Variants in LIPN observed in about 807,000 individuals in gnomAD.
LIPN encodes the protein lipase family member N, also known as lipase member N.
In LIPN, 32 loss-of-function variants were observed where a neutral mutation model predicts 43.7. That is an observed-to-expected ratio of 0.73 (90% CI 0.55 to 0.98). LIPN has a LOEUF of 0.98. Among genes scored for constraint, LIPN ranks in the 50% least tolerant of loss-of-function variants. The probability of loss-of-function intolerance (pLI) is 0.00; values close to 1 mark genes in which losing one functional copy is unlikely to be tolerated. For synonymous variants in LIPN, 156 were observed against 157.6 expected, an observed-to-expected ratio of 0.99 and a Z score of 0.08; for missense variants, 505 against 483.8, an observed-to-expected ratio of 1.04 and a Z score of -0.41.
Position 88,766,349 on chromosome 10 carries a change from T to G in LIPN, c.506T>G (p.Phe169Cys). ...AAAACTGGTCAGGAGAAATTGTATTTCATTGGACATTCACTTGGCACTACA... is the reference window on the plus strand; with the variant it reads ...AAAACTGGTCAGGAGAAATTGTATTGCATTGGACATTCACTTGGCACTACA... ...VNKTGQEKLY[F>C]IGHSLGTTIG... is the part of the protein sequence containing the mutation. The change falls in exon 5 of 10, where the codon TTC (phenylalanine) becomes TGC (cysteine). Residue 169 changes from phenylalanine to cysteine, a missense_variant. Coordinates refer to ENST00000404459, the MANE Select transcript of LIPN (RefSeq NM_001102469.2). The G allele has an allele frequency of 6.2e-7, 1 of 1,605,746 alleles. No homozygotes were observed. The highest frequency in any genetic ancestry group is 1.1e-5 in the South Asian group (1 of 90,886).
At chr10:88,777,008 A>G (rs957474303) in intron 9 of LIPN, among the ~76,000 whole-genome samples, 1 of 152,084 alleles carries the variant, frequency 6.6e-6, no homozygotes, top group Non-Finnish European at 1.5e-5. Context: ...TCTTATCAAC[A>G]TATTTTTAGT....
intron 5 of LIPN, among the ~76,000 whole-genome samples, chr10:88,768,127 C>G (rs938918702): frequency 2.0e-4 from 31 of 151,480 alleles, no homozygotes; most frequent in Non-Finnish European, 3.0e-5. Flanking sequence ...CCCTAGCCTA[C>G]CCAGTGTTGT....
chr10:88,767,251 A>G (rs2134839862), intron 5 of LIPN, among the ~76,000 whole-genome samples: 1 of 152,026 alleles, frequency 6.6e-6, no homozygotes, highest in East Asian at 1.9e-4. Context: ...AGTATTTTAG[A>G]TTGACAGGCA....
intron 3 of LIPN, among the ~76,000 whole-genome samples, chr10:88,762,608 A>G (rs751651300): frequency 1.4e-4 from 21 of 151,998 alleles, no homozygotes; most frequent in Admixed American, 7.2e-4. Flanking sequence ...CATGTGGAAA[A>G]TTGCTTTGTC....
rs776472326 is a variant in LIPN at position 88,764,442 on chromosome 10, C to A, written c.259C>A (p.Leu87Met). 38 of 1,612,152 alleles carry A rather than the reference C, an allele frequency of 2.4e-5. No individual in the cohort carries two copies. Among genetic ancestry groups the A allele is most frequent in the Non-Finnish European group, 3.2e-5 (38 of 1,178,956 alleles). The change falls in exon 4 of 10, where the codon CTG becomes ATG. Residue 87 changes from leucine to methionine, a missense_variant. By Grantham distance (15) the Leu-to-Met change is conservative. Transcript: ENST00000404459. ...PRPVVYMQHA[L>M]FADNAYWLEN... The stretch of plus-strand genomic sequence containing the variant: ...GCCAGTTGTGTATATGCAGCATGCC[C>A]TGTTTGCAGACAATGCCTACTGGCT...
Position 88,764,511 on chromosome 10 carries a change from G to A in LIPN, c.328G>A (p.Ala110Thr), listed in dbSNP as rs1590174544. 4 of 1,612,300 alleles carry A rather than the reference G, an allele frequency of 2.5e-6. No individual in the cohort carries two copies. The highest frequency in any genetic ancestry group is 1.7e-4 in the Middle Eastern group (1 of 6,052). The change falls in exon 4 of 10, where the codon GCA (alanine) becomes ACA (threonine). Residue 110 changes from alanine (A) to threonine (T), a missense_variant. Physicochemically the swap from Ala to Thr is moderately conservative, Grantham distance 58. Transcript: ENST00000404459. Reference sequence around the variant, plus strand: ...AAGCCTTGGATTCCTTCTAGCAGATGCAGGTTATGATGTATGGATGGGAAA... The same window carrying A: ...AAGCCTTGGATTCCTTCTAGCAGATACAGGTTATGATGTATGGATGGGAAA... ...NGSLGFLLAD[A>T]GYDVWMGNSR...
At chr10:88,761,583 C>A in intron 2 of LIPN, 70 bp downstream of exon 2, 1 of 1,001,802 alleles carries the variant, frequency 1.0e-6, no homozygotes, top group Non-Finnish European at 1.5e-6. Context: ...TACGAAAGGT[C>A]CTGTTGTAAC....
rs541142906 is a variant in LIPN, at chr10:88,772,046, TTGTA to T, written c.819+1059_819+1062del. Among the ~76,000 whole-genome samples the T allele has an allele frequency of 2.4e-4, 36 of 152,034 alleles. No homozygotes were observed. The East Asian group carries it at 6.4e-3, about 27-fold the overall frequency. On this transcript the variant is annotated intron_variant, in intron 7 of 9. Coordinates refer to ENST00000404459, the MANE Select transcript of LIPN (RefSeq NM_001102469.2). ...TGTTTTTAATGTACCTCTTGGCTAT[TTGTA>T]TGTCTTCTTTTGAGAAATGTCTACT... is the stretch of plus-strand genomic sequence containing the variant.
rs1469770426 is a variant in LIPN, at chr10:88,778,207, A to G, written c.1162A>G (p.Ser388Gly). ...WGLDAPQRMY[S>G]EIIALMKAYS is the part of the protein sequence containing the mutation. ...CCTCGATGCCCCTCAACGGATGTAC[A>G]GTGAAATCATAGCTTTAATGAAGGC... Residue 388 changes from serine (S) to glycine (G), a missense_variant, in exon 10 of 10, where the codon AGT (serine) becomes GGT (glycine). Transcript: ENST00000404459. The G allele has an allele frequency of 1.9e-6, 3 of 1,612,002 alleles. No homozygotes were observed. Among genetic ancestry groups the G allele is most frequent in the African/African-American group, 2.7e-5 (2 of 74,906 alleles).
upstream of LIPN, among the ~76,000 whole-genome samples, chr10:88,757,591 TGG>T (rs1842942084): frequency 2.0e-5 from 3 of 152,270 alleles, no homozygotes; most frequent in South Asian, 6.2e-4. Flanking sequence ...TTTTTAAAGA[TGG>T]ATGTAGTATA....
In LIPN at chr10:88,768,061, CAT is replaced by C. The variant is rs1403551329; in HGVS notation, c.536-730_536-729del. ...ACACACACACACACACACACACACA[CAT>C]GCCAGTGGAGGCCCAGGAAGGGACC... On this transcript the variant is annotated intron_variant, in intron 5 of 9. Transcript: ENST00000404459. Among the ~76,000 whole-genome samples, 363 of 115,226 alleles carry C rather than the reference CAT, an allele frequency of 3.2e-3. 5 individuals are homozygous for C. In the East Asian group the frequency reaches 0.05, roughly 16 times the overall value. 75.6% of individuals were successfully genotyped at this position (115,226 alleles called of 152,430 possible). A position where few individuals can be genotyped will look rare whatever the true frequency, so the allele number is the denominator to read the frequency against.
chr10:88,764,667 G>A (rs374584193), intron 4 of LIPN, 59 bp downstream of exon 4: 2 of 1,221,900 alleles, frequency 1.6e-6, no homozygotes, highest in African/African-American at 3.0e-5. Flanking sequence ...AAAAAATAAC[G>A]TGGACGCTAT....
chr10:88,774,448 G>T, intron 7 of LIPN, 25 bp from the exon 8 acceptor site: 1 of 1,566,336 alleles, frequency 6.4e-7, no homozygotes, highest in South Asian at 1.1e-5. Flanking sequence ...GGCAATTGCT[G>T]TAATATGAGT....
At position 88,764,532 on chromosome 10, in the gene LIPN, G is replaced by A; in HGVS notation, c.349G>A (p.Gly117Arg). ...LADAGYDVWM[G>R]NSRGNTWSRR... Reference sequence around the variant, plus strand: ...AGATGCAGGTTATGATGTATGGATGGGAAACAGTCGGGGAAACACTTGGTC... The same window carrying A: ...AGATGCAGGTTATGATGTATGGATGAGAAACAGTCGGGGAAACACTTGGTC... The change falls in exon 4 of 10, where the codon GGA becomes AGA. Residue 117 changes from glycine to arginine, a missense_variant. Physicochemically the swap from Gly to Arg is moderately radical, Grantham distance 125. Coordinates refer to ENST00000404459, the MANE Select transcript of LIPN (RefSeq NM_001102469.2). 6.2e-7 allele frequency: 1 copy of A among 1,612,012 alleles called. No homozygotes were observed. The highest frequency in any genetic ancestry group is 8.5e-7 in the Non-Finnish European group (1 of 1,178,834).
chr10:88,775,666 G>A (rs988919767), intron 9 of LIPN, among the ~76,000 whole-genome samples: 16 of 151,962 alleles, frequency 1.1e-4, no homozygotes, highest in African/African-American at 2.2e-4. Flanking sequence ...GACTTGGGTC[G>A]TAAGGCATCT....
At chr10:88,763,855 T>C (rs558929043) in intron 3 of LIPN, among the ~76,000 whole-genome samples, 42 of 152,004 alleles carry the variant, frequency 2.8e-4, no homozygotes, top group Non-Finnish European at 5.3e-4. Context: ...AACTAATCAG[T>C]GTCCATTTAC....
intron 4 of LIPN, among the ~76,000 whole-genome samples, 163 bp from the exon 5 acceptor site, chr10:88,766,106 C>T (rs908615362): frequency 2.6e-5 from 4 of 151,814 alleles, no homozygotes; most frequent in Non-Finnish European, 5.9e-5. Flanking sequence ...TGCAGAAAAA[C>T]AAAAAGCTAC....
Position 88,771,219 on chromosome 10 carries a change from T to G in LIPN, c.819+228T>G, listed in dbSNP as rs1169439418. On this transcript the variant is annotated intron_variant, in intron 7 of 9. Coordinates refer to ENST00000404459, the MANE Select transcript of LIPN (RefSeq NM_001102469.2). ...ACAATGTGTAATGACCAAATCAGGG[T>G]AATTGGGATATCCATCACCTCAAGC... Among the ~76,000 whole-genome samples, 7 of 152,000 alleles carry G rather than the reference T, an allele frequency of 4.6e-5. No homozygotes were observed. In the East Asian group the frequency reaches 1.2e-3, roughly 25 times the overall value.
Position 88,764,477 on chromosome 10 carries a change from T to C in LIPN, c.294T>C (p.Tyr98=). 10 of 1,612,562 alleles carry C rather than the reference T, an allele frequency of 6.2e-6. No homozygotes were observed. The highest frequency in any genetic ancestry group is 1.1e-5 in the South Asian group (1 of 91,016). ...ACAATGCCTACTGGCTTGAGAATTA[T>C]GCTAATGGAAGCCTTGGATTCCTTC... ...FADNAYWLEN[Y]ANGSLGFLLA... Residue 98 remains tyrosine, a synonymous_variant, in exon 4 of 10, where the codon TAT becomes TAC. Transcript: ENST00000404459.
Sources: gnomAD v4.1 joint callset for allele counts (sites outside exome capture counted in the v4.1 genomes callset) on GRCh38, gnomAD v4.1.1 for gene constraint, MANE v1.5 for transcripts, NCBI Gene and HGNC (gene_info 2026-07-23, HGNC 2026-07-21) for gene names.